MEST: variants seen among roughly 807,000 people sequenced by gnomAD.
The protein encoded by MEST is mesoderm specific transcript, also known as mesoderm-specific transcript homolog protein.
In MEST, 18 loss-of-function variants were observed where a neutral mutation model predicts 50.9. The observed-to-expected ratio is 0.35, with a 90% confidence interval of 0.24 to 0.52. MEST has a LOEUF of 0.52. MEST is among the 20% of genes least tolerant of loss of function. MEST has a pLI of 0.94. For synonymous variants in MEST, 130 were observed against 154.1 expected (o/e 0.84, Z 1.16); for missense variants, 282 against 425.3 (o/e 0.66, Z 2.96).
rs782757516 is a variant in MEST at position 130,495,476 on chromosome 7, T to C, written c.135T>C (p.Ser45=). The change falls in exon 2 of 12, where the codon TCT becomes TCC. Residue 45 remains serine (S), a synonymous_variant. Coordinates refer to ENST00000223215, the MANE Select transcript of MEST (RefSeq NM_002402.4). The part of the protein sequence containing the change: ...QLSPALHSWK[S]SGKFFTYKGL... ...CCCCTGCCCTTCACTCATGGAAGTC[T>C]TCAGGCAAGTTTTTCACTTACAAGG... 1 of 1,614,128 alleles carries C rather than the reference T, an allele frequency of 6.2e-7. No homozygotes were observed. The highest frequency in any genetic ancestry group is 1.7e-5 in the Admixed American group (1 of 60,020).
upstream of MEST, among the ~76,000 whole-genome samples, chr7:130,490,646 G>C (rs1268548934): frequency 6.6e-6 from 1 of 152,182 alleles, no homozygotes; most frequent in Non-Finnish European, 1.5e-5. Flanking sequence ...ACGTCGCTAG[G>C]AAATTAAAAG....
chr7:130,500,610 C>T lies in MEST; in HGVS notation c.647+78C>T. On this transcript the variant is annotated intron_variant, in intron 8 of 11. Transcript: ENST00000223215. The surrounding 1 kb of genome is among the most constrained non-coding windows in gnomAD (Gnocchi z 5.0). ...TGCCATTACAATTCTGGGCCAAATC[C>T]TAAGGCTTGATATTTTAAAGCAAAG... 7.0e-7 allele frequency: 1 copy of T among 1,433,888 alleles called. No homozygotes were observed. The highest frequency in any genetic ancestry group is 1.2e-5 in the South Asian group (1 of 80,456). The allele number at this position is 1,433,888 out of a possible 1,614,324, so 88.8% of individuals were successfully genotyped here.
chr7:130,498,293 C>T lies in MEST; in HGVS notation c.476+18C>T, dbSNP rs1406887015. On this transcript the variant is annotated intron_variant, in intron 5 of 11. Coordinates refer to ENST00000223215, the MANE Select transcript of MEST (RefSeq NM_002402.4). ...CTCTACAGGTCAGTGGAGCTTCAGA[C>T]TTCAGCTTATGATGCTAGGAAAGTA... The T allele has an allele frequency of 2.5e-6, 4 of 1,613,104 alleles. No individual in the cohort carries two copies. In the African/African-American group the frequency reaches 5.3e-5, roughly 22 times the overall value.
At chr7:130,499,317 A>C (rs557024721) in intron 6 of MEST, among the ~76,000 whole-genome samples, 6 of 152,276 alleles carry the variant, frequency 3.9e-5, no homozygotes, top group Non-Finnish European at 2.9e-5. Context: ...GCTTTCTTCC[A>C]CTGACTCTGA....
chr7:130,494,849 A>G, intron 1 of MEST: 10 of 984,614 alleles, frequency 1.0e-5, no homozygotes, highest in Non-Finnish European at 1.2e-5. Flanking sequence ...AGGACATGTG[A>G]TAAGTTACTA....
chr7:130,497,212 A>G lies in MEST; in HGVS notation c.238A>G (p.Thr80Ala). The G allele has an allele frequency of 6.2e-7, 1 of 1,613,416 alleles. No individual in the cohort carries two copies. Among genetic ancestry groups the G allele is most frequent in the Non-Finnish European group, 8.5e-7 (1 of 1,179,642 alleles). The change falls in exon 3 of 12, where the codon ACA (threonine) becomes GCA (alanine). Residue 80 changes from threonine (T) to alanine (A), a missense_variant. By Grantham distance (58) the Thr-to-Ala change is moderately conservative. Coordinates refer to ENST00000223215, the MANE Select transcript of MEST (RefSeq NM_002402.4). The surrounding 1 kb of genome is among the most constrained non-coding windows in gnomAD (Gnocchi z 4.0). ...EIVVLLHGFP[T>A]SSYDWYKIWE... ...AGTTGTGCTTTTACACGGTTTTCCA[A>G]CATCCAGCTACGACTGGTACAAGGT...
chr7:130,498,426 C>G lies in MEST; in HGVS notation c.484C>G (p.Gln162Glu). ...VAQELLYRYK[Q>E]NRSGRLTIKS... ...TCCTCGTCTCCCTTCTAGGTACAAG[C>G]AGAATCGATCTGGTCGGCTTACCAT... Residue 162 changes from glutamine to glutamate, a missense_variant, in exon 6 of 12, where the codon CAG becomes GAG. Physicochemically the swap from Gln to Glu is conservative, Grantham distance 29. Coordinates refer to ENST00000223215, the MANE Select transcript of MEST (RefSeq NM_002402.4). 6.2e-7 allele frequency: 1 copy of G among 1,614,106 alleles called. No individual in the cohort carries two copies. Among genetic ancestry groups the G allele is most frequent in the Non-Finnish European group, 8.5e-7 (1 of 1,180,018 alleles).
At chr7:130,493,399 A>C (rs1222799369) in intron 1 of MEST, 11 of 152,168 alleles carry the variant, frequency 7.2e-5, no homozygotes, top group African/African-American at 2.7e-4. Flanking sequence ...CTCATCAAAT[A>C]GTTGGGATTT....
Position 130,505,620 on chromosome 7 carries a change from T to C in MEST, c.*564T>C, listed in dbSNP as rs2116314653. 6.6e-6 allele frequency: 1 copy of C among 152,550 alleles called. No homozygotes were observed. The highest frequency in any genetic ancestry group is 1.9e-4 in the East Asian group (1 of 5,190). 9.4% of individuals were successfully genotyped at this position (152,550 alleles called of 1,614,324 possible). ...ATAAACATTTTGTTAAAATAGATAT[T>C]GGTTTAAATGATACAGTATTTTAGG... On this transcript the variant is annotated 3_prime_UTR_variant, in exon 12 of 12. Transcript: ENST00000223215.
chr7:130,495,010 AAG>A (rs1798988014), intron 1 of MEST, among the ~76,000 whole-genome samples: 1 of 152,210 alleles, frequency 6.6e-6, no homozygotes, highest in Non-Finnish European at 1.5e-5. Context: ...AAGTCAACGA[AAG>A]AGTGTCCAGC....
chr7:130,497,770 G>A lies in MEST; in HGVS notation c.262-166G>A, dbSNP rs1455642252. On this transcript the variant is annotated intron_variant, in intron 3 of 11. Coordinates refer to ENST00000223215, the MANE Select transcript of MEST (RefSeq NM_002402.4). This position sits in a 1 kb window ranked among gnomAD's most constrained non-coding sequence, Gnocchi z 4.0. ...ACAGGGATTAATTACCAGGAATAAA[G>A]CATTTTCCAAGAGGATCATCTGTGG... is the stretch of plus-strand genomic sequence containing the variant. The A allele has an allele frequency of 1.5e-5, 10 of 660,246 alleles. No individual in the cohort carries two copies. Among genetic ancestry groups the A allele is most frequent in the Non-Finnish European group, 2.7e-5 (10 of 369,738 alleles). 40.9% of individuals were successfully genotyped at this position (660,246 alleles called of 1,614,324 possible). A position where few individuals can be genotyped will look rare whatever the true frequency, so the allele number is the denominator to read the frequency against.
Position 130,497,536 on chromosome 7 carries a change from G to C in MEST, c.261+301G>C. 3.8e-6 allele frequency: 1 copy of C among 263,818 alleles called. No individual in the cohort carries two copies. Among genetic ancestry groups the C allele is most frequent in the Non-Finnish European group, 7.2e-6 (1 of 139,530 alleles). The allele number at this position is 263,818 out of a possible 1,614,324, so 16.3% of individuals were successfully genotyped here. ...TGCACCACTGCACTTCAGCCTAGGT[G>C]ACAGAGCGAGAGTCTGTCTCAAAAA... On this transcript the variant is annotated intron_variant, in intron 3 of 11. Transcript: ENST00000223215. The surrounding 1 kb of genome is among the most constrained non-coding windows in gnomAD (Gnocchi z 4.0).
chr7:130,503,583 A>G (rs1458615122), intron 10 of MEST, among the ~76,000 whole-genome samples: 1 of 152,136 alleles, frequency 6.6e-6, no homozygotes, highest in East Asian at 1.9e-4. Context: ...CTGAGGTGGG[A>G]GGACTGGTTG....
chr7:130,502,525 C>T (rs1799313004), intron 9 of MEST, 119 bp from the exon 10 acceptor site: 5 of 736,716 alleles, frequency 6.8e-6, no homozygotes, highest in Admixed American at 4.8e-5. Flanking sequence ...TCCAGGAATG[C>T]TAAACTGCTT....
intron 5 of MEST, 27 bp from the exon 6 acceptor site, chr7:130,498,392 A>C (rs782136363): frequency 6.2e-7 from 1 of 1,613,880 alleles, no homozygotes; most frequent in East Asian, 2.2e-5. Context: ...GCTCAGCTAC[A>C]TGTGTGTTTC....
In MEST at chr7:130,497,440, C is replaced by T; in HGVS notation, c.261+205C>T. ...GGCATGGTGGCACAAGCCTGTAATC[C>T]CAGCTACTTGGGAGGCTGAGGCAGG... On this transcript the variant is annotated intron_variant, in intron 3 of 11. Transcript: ENST00000223215. This position sits in a 1 kb window ranked among gnomAD's most constrained non-coding sequence, Gnocchi z 4.0. 2.8e-6 allele frequency: 1 copy of T among 352,738 alleles called. No individual in the cohort carries two copies. 21.9% of individuals were successfully genotyped at this position (352,738 alleles called of 1,614,324 possible). A position where few individuals can be genotyped will look rare whatever the true frequency, so the allele number is the denominator to read the frequency against.
chr7:130,495,846 TTC>T (rs1277219049), intron 2 of MEST: 4 of 274,078 alleles, frequency 1.5e-5, no homozygotes, highest in African/African-American at 4.6e-5. Flanking sequence ...CCACCATTGG[TTC>T]TCTCTCCTTA....
chr7:130,493,062 C>T (rs1202984766), intron 1 of MEST: 1 of 152,138 alleles, frequency 6.6e-6, no homozygotes, highest in East Asian at 1.9e-4. Flanking sequence ...CTTAGGATTT[C>T]AAGACCCAGG....
chr7:130,493,585 G>C (rs904505096), intron 1 of MEST, among the ~76,000 whole-genome samples: 7 of 152,282 alleles, frequency 4.6e-5, no homozygotes, highest in South Asian at 2.1e-4. Flanking sequence ...GTGGAGGGGG[G>C]TGTCCAGGAG....
Sources: gnomAD v4.1 joint callset for allele counts (sites outside exome capture counted in the v4.1 genomes callset) on GRCh38, gnomAD v4.1.1 for gene constraint, Gnocchi (gnomAD v3.1) non-coding constraint, MANE v1.5 for transcripts, NCBI Gene and HGNC (gene_info 2026-07-23, HGNC 2026-07-21) for gene names.